The following PPWD1 variants were observed in gnomAD, a reference collection of about 807,000 sequenced individuals.
The protein encoded by PPWD1 is peptidylprolyl isomerase domain and WD repeat containing 1.
A neutral mutation model predicts 68.8 loss-of-function variants in PPWD1; 43 were observed. The observed-to-expected ratio is 0.62, with a 90% CI of 0.49 to 0.81. PPWD1 has a LOEUF of 0.81. PPWD1 is among the 30% of genes least tolerant of loss of function. The pLI, the probability that PPWD1 is intolerant of heterozygous loss-of-function variation, is 0.00. For missense variants in PPWD1, 672 were observed against 804.8 expected (o/e 0.83, Z 2.00); for synonymous variants, 232 against 258.7 (o/e 0.90, Z 0.99).
rs561841164 is a variant in PPWD1, at chr5:65,563,359, C to T, written c.49C>T (p.Arg17Trp). 6.2e-7 allele frequency: 1 copy of T among 1,613,938 alleles called. No individual in the cohort carries two copies. The highest frequency in any genetic ancestry group is 8.5e-7 in the Non-Finnish European group (1 of 1,179,984). The change falls in exon 1 of 11, where the codon CGG (arginine) becomes TGG (tryptophan). Residue 17 changes from arginine (R) to tryptophan (W), a missense_variant. By Grantham distance (101) the Arg-to-Trp change is moderately radical. Coordinates refer to ENST00000261308, the MANE Select transcript of PPWD1 (RefSeq NM_015342.4). ...SDFQQRRRRR[R>W]DPEEPEKTEL... ...TTTTCAGCAGAGACGTAGAAGGCGC[C>T]GGGACCCGGAGGAACCGGAAAAAAC...
chr5:65,578,788 ATATATATACATATATATGTG>A (rs1753447617), intron 6 of PPWD1, among the ~76,000 whole-genome samples: 1 of 145,100 alleles, frequency 6.9e-6, no homozygotes, highest in Non-Finnish European at 1.5e-5. Flanking sequence ...ATATGTGTAT[ATATATATACATATATATGTG>A]TATATATATA....
At chr5:65,578,420 C>T (rs1316709492) in intron 6 of PPWD1, among the ~76,000 whole-genome samples, 1 of 152,132 alleles carries the variant, frequency 6.6e-6, no homozygotes, top group Non-Finnish European at 1.5e-5. Context: ...AACTGCCTTT[C>T]GAAGTGGCTA....
chr5:65,582,862 T>G, intron 7 of PPWD1, 176 bp from the exon 8 acceptor site: 1 of 777,010 alleles, frequency 1.3e-6, no homozygotes, highest in South Asian at 3.0e-5. Flanking sequence ...TATTAGACAA[T>G]GTAAAAATAA....
chr5:65,579,646 T>C (rs746753562), intron 7 of PPWD1, 33 bp downstream of exon 7: 19 of 1,372,364 alleles, frequency 1.4e-5, no homozygotes, highest in Non-Finnish European at 1.0e-5. Context: ...TAGACGGTAA[T>C]GTTCCTTCCA....
At chr5:65,583,008 G>T in intron 7 of PPWD1, 30 bp from the exon 8 acceptor site, 1 of 1,468,266 alleles carries the variant, frequency 6.8e-7, no homozygotes, top group Non-Finnish European at 9.1e-7. Flanking sequence ...ACTTTAATTC[G>T]TTGACTCACT....
chr5:65,579,366 G>A, intron 6 of PPWD1, 58 bp from the exon 7 acceptor site: 1 of 1,400,428 alleles, frequency 7.1e-7, no homozygotes, highest in Non-Finnish European at 9.4e-7. Flanking sequence ...CTGTAAAGTT[G>A]TCATAATTGG....
At chr5:65,570,184 T>C in intron 4 of PPWD1, 186 bp downstream of exon 4, 1 of 910,268 alleles carries the variant, frequency 1.1e-6, no homozygotes, top group Non-Finnish European at 1.3e-6. Context: ...CTGCTATGAT[T>C]TGTTATCAAT....
chr5:65,585,000 A>ATAT lies in PPWD1; in HGVS notation c.1533-13_1533-11dup. On this transcript the variant is annotated splice_polypyrimidine_tract_variant and intron_variant, in intron 8 of 10. Transcript: ENST00000261308. ...TCTGAATAGGTTTCATATTTGTAAC[A>ATAT]TATGTCTTAATAGGTGCCCTAAGAC... 4 of 1,609,256 alleles carry ATAT rather than the reference A, an allele frequency of 2.5e-6. No homozygotes were observed. Among genetic ancestry groups the ATAT allele is most frequent in the Non-Finnish European group, 3.4e-6 (4 of 1,177,444 alleles).
chr5:65,582,471 T>G (rs189075087), intron 7 of PPWD1: 1 of 152,352 alleles, frequency 6.6e-6, no homozygotes, highest in Admixed American at 6.5e-5. Flanking sequence ...CTCATAGTAG[T>G]AATAACAACT....
chr5:65,580,914 C>G (rs1440017818), intron 7 of PPWD1, among the ~76,000 whole-genome samples: 1 of 152,122 alleles, frequency 6.6e-6, no homozygotes, highest in Admixed American at 6.5e-5. Flanking sequence ...GTGTGAACAT[C>G]AATAATTTAT....
At chr5:65,579,282 G>T (rs1280893508) in intron 6 of PPWD1, 142 bp from the exon 7 acceptor site, 9 of 1,257,332 alleles carry the variant, frequency 7.2e-6, no homozygotes, top group Non-Finnish European at 9.3e-6. Context: ...CTTTTGGGGG[G>T]TAGAGAAACA....
chr5:65,571,751 C>A, intron 4 of PPWD1, 88 bp from the exon 5 acceptor site: 1 of 1,516,624 alleles, frequency 6.6e-7, no homozygotes, highest in Non-Finnish European at 8.8e-7. Flanking sequence ...AAATCACCAG[C>A]CAAGACATTT....
Position 65,571,954 on chromosome 5 carries a change from C to T in PPWD1, c.637C>T (p.Gln213Ter). 6.2e-7 allele frequency: 1 copy of T among 1,613,976 alleles called. No individual in the cohort carries two copies. Among genetic ancestry groups the T allele is most frequent in the Non-Finnish European group, 8.5e-7 (1 of 1,179,904 alleles). Residue 213 changes from glutamine to a stop codon, truncating the protein, a stop_gained, in exon 5 of 11, where the codon CAG becomes TAG. Transcript: ENST00000261308. LOFTEE classifies it high-confidence loss of function. ...CATTTATGATGGCCGAGGAGATAAC[C>T]AGCCACTTCATATTTTTGACAAACT... is the stretch of plus-strand genomic sequence containing the variant. ...IFIYDGRGDN[Q>*]PLHIFDKLHT...
chr5:65,572,761 C>T (rs534528629), intron 5 of PPWD1, among the ~76,000 whole-genome samples: 1 of 152,192 alleles, frequency 6.6e-6, no homozygotes, highest in South Asian at 2.1e-4. Flanking sequence ...AACTCTTTTA[C>T]CCTTCTGTGT....
At chr5:65,586,356 T>C (rs1370563570) in intron 10 of PPWD1, among the ~76,000 whole-genome samples, 175 bp downstream of exon 10, 1 of 152,124 alleles carries the variant, frequency 6.6e-6, no homozygotes, top group East Asian at 1.9e-4. Context: ...CAGTTTAGAA[T>C]TGGTAAAACA....
intron 1 of PPWD1, among the ~76,000 whole-genome samples, chr5:65,564,098 C>A (rs1752518801): frequency 6.6e-6 from 1 of 152,010 alleles, no homozygotes; most frequent in South Asian, 2.1e-4. Context: ...TGGGCTGAGT[C>A]TTTTTGTCAC....
rs376016161 is a variant in PPWD1, at chr5:65,586,164, A to C, written c.1780A>C (p.Ile594Leu). ...GSNTNGSQFFITVVPTPWLDN... is the reference protein window; with the variant it reads ...GSNTNGSQFFLTVVPTPWLDN... ...AAATACTAATGGATCCCAGTTTTTC[A>C]TAACGGTAGTACCAACGGTAAGTAC... The change falls in exon 10 of 11, where the codon ATA becomes CTA. Residue 594 changes from isoleucine to leucine, a missense_variant. This residue lies in a region of PPWD1 where 484 missense variants were observed against 646.2 expected (regional missense o/e 0.75). Transcript: ENST00000261308. 1 of 1,612,998 alleles carries C rather than the reference A, an allele frequency of 6.2e-7. No homozygotes were observed. The highest frequency in any genetic ancestry group is 8.5e-7 in the Non-Finnish European group (1 of 1,179,316).
At position 65,579,456 on chromosome 5, in the gene PPWD1, T is replaced by G. The variant is rs114773980; in HGVS notation, c.1193T>G (p.Ile398Ser). 4 of 1,590,178 alleles carry G rather than the reference T, an allele frequency of 2.5e-6. No homozygotes were observed. The highest frequency in any genetic ancestry group is 2.7e-5 in the African/African-American group (2 of 73,226). Residue 398 changes from isoleucine (I) to serine (S), a missense_variant, in exon 7 of 11, where the codon ATT becomes AGT. Transcript: ENST00000261308. ...CVRILGKQENIRVMQLALFQG... is the reference protein window; with the variant it reads ...CVRILGKQENSRVMQLALFQG... The stretch of plus-strand genomic sequence containing the variant: ...CGGATTTTAGGCAAACAAGAAAATA[T>G]TAGAGTGATGCAATTGGCTTTGTTC...
At position 65,578,893 on chromosome 5, in the gene PPWD1, T is replaced by G. The variant is rs73097124; in HGVS notation, c.1161-531T>G. ...ATGAGCCGTTCTCCTAGTCTGTGAC[T>G]TTTCATTCTCTTGATTGGTTTTTTG... On this transcript the variant is annotated intron_variant, in intron 6 of 10. Transcript: ENST00000261308. Among the ~76,000 whole-genome samples the G allele has an allele frequency of 6.4e-3, 966 of 151,824 alleles. 8 individuals are homozygous for G. Among genetic ancestry groups the G allele is most frequent in the African/African-American group, 0.022 (917 of 41,418 alleles).
Sources: allele counts gnomAD v4.1 joint callset (sites outside exome capture counted in the v4.1 genomes callset), GRCh38; gene constraint gnomAD v4.1.1; regional missense constraint gnomAD v4.1.1; transcripts MANE v1.5; gene names NCBI Gene and HGNC (gene_info 2026-07-23, HGNC 2026-07-21).